Variants in ATP10B observed in about 807,000 individuals in gnomAD.
ATP10B encodes phospholipid-transporting ATPase VB.
Under a neutral mutation model 141.2 loss-of-function variants are expected in ATP10B, and 122 were observed. The observed-to-expected ratio is 0.86, with a 90% CI of 0.75 to 1.00. ATP10B has a LOEUF of 1.00. Among genes scored for constraint, ATP10B ranks in the 50% least tolerant of loss-of-function variants. The probability of loss-of-function intolerance (pLI) is 0.00; values close to 1 mark genes in which losing one functional copy is unlikely to be tolerated. For missense variants in ATP10B, 1,876 were observed against 1,825.3 expected (o/e 1.03, Z -0.51); for synonymous variants, 685 against 692.0 (o/e 0.99, Z 0.16).
chr5:160,635,636 T>C (rs934745824), intron 11 of ATP10B, among the ~76,000 whole-genome samples: 1 of 152,236 alleles, frequency 6.6e-6, no homozygotes, highest in Non-Finnish European at 1.5e-5. Flanking sequence ...CATCTTTTCA[T>C]TGATTGTATT....
the ATP10B span, among the ~76,000 whole-genome samples, chr5:160,865,094 A>G: frequency 1.3e-5 from 2 of 152,094 alleles, no homozygotes; most frequent in Non-Finnish European, 2.9e-5. Flanking sequence ...ATATGGAACC[A>G]AAAAAGAGCC....
Position 160,643,257 on chromosome 5 carries a change from G to A in ATP10B, c.868+881C>T, listed in dbSNP as rs565795032. ...TTTAAATGCTTTTCTATGTCCATCA[G>A]AAGTGGGGTTCTATGGAGACCAAAC... On this transcript the variant is annotated intron_variant, in intron 9 of 25. Transcript: ENST00000327245. Among the ~76,000 whole-genome samples the A allele has an allele frequency of 3.3e-5, 5 of 152,320 alleles. No homozygotes were observed. The South Asian group carries it at 1.0e-3, about 32-fold the overall frequency.
intron 18 of ATP10B, among the ~76,000 whole-genome samples, chr5:160,611,116 T>A (rs746315153): frequency 4.6e-5 from 7 of 152,176 alleles, no homozygotes; most frequent in Non-Finnish European, 1.0e-4. Flanking sequence ...AAAAGACTAA[T>A]CTTACAGGTT....
intron 2 of ATP10B, among the ~76,000 whole-genome samples, chr5:160,764,117 C>T (rs1769239182): frequency 6.6e-6 from 1 of 152,116 alleles, no homozygotes; most frequent in African/African-American, 2.4e-5. Flanking sequence ...CAGCTGAATT[C>T]TATCAGACAT....
At chr5:160,698,159 T>C (rs1045611718) in intron 3 of ATP10B, among the ~76,000 whole-genome samples, 26 of 152,256 alleles carry the variant, frequency 1.7e-4, no homozygotes, top group African/African-American at 4.8e-4. Flanking sequence ...AACTTTAACA[T>C]TGTAAAACTC....
At chr5:160,597,018 T>G (rs1365698963) in intron 22 of ATP10B, among the ~76,000 whole-genome samples, 27 of 152,180 alleles carry the variant, frequency 1.8e-4, no homozygotes, top group Admixed American at 1.8e-3. Context: ...ACCAATGACT[T>G]TCTTCACAGA....
At chr5:160,659,841 T>C (rs551026309) in intron 7 of ATP10B, among the ~76,000 whole-genome samples, 149 of 152,308 alleles carry the variant, frequency 9.8e-4, no homozygotes, top group Non-Finnish European at 1.9e-3. Context: ...TAAAACTACA[T>C]CTAAAGAAAG....
chr5:160,856,869 A>T (rs1754012471), upstream of ATP10B, among the ~76,000 whole-genome samples: 1 of 151,304 alleles, frequency 6.6e-6, no homozygotes, highest in Non-Finnish European at 1.5e-5. Flanking sequence ...GGTCTATTAC[A>T]TTAATTGATT....
In ATP10B at chr5:160,724,251, C is replaced by CTTT. The variant is rs35786358; in HGVS notation, c.-330-7220_-330-7218dup. Among the ~76,000 whole-genome samples, 380 of 107,074 alleles carry CTTT rather than the reference C, an allele frequency of 3.5e-3. 2 individuals carry two copies. The highest frequency in any genetic ancestry group is 0.011 in the African/African-American group (290 of 27,280). 70.2% of individuals were successfully genotyped at this position (107,074 alleles called of 152,430 possible). ...AAGTTTACCTGAGAAGCTATAATTC[C>CTTT]TTTTTTTTTTTTTTTTTTTTTTTAG... On this transcript the variant is annotated intron_variant, in intron 2 of 25. Coordinates refer to ENST00000327245, the MANE Select transcript of ATP10B (RefSeq NM_025153.3).
chr5:160,774,751 A>G (rs1218743669), intron 2 of ATP10B, among the ~76,000 whole-genome samples: 1 of 152,178 alleles, frequency 6.6e-6, no homozygotes, highest in Non-Finnish European at 1.5e-5. Flanking sequence ...CAAGTAACAG[A>G]GACACAAACT....
In ATP10B at chr5:160,788,277, C is replaced by A. The variant is rs541727072; in HGVS notation, c.-575-2474G>T. ...ACCTTAATGAATTGCTCCTCCTCCC[C>A]ACTTGGCCAACAGTTGAAACAGCAA... is the stretch of plus-strand genomic sequence containing the variant. On this transcript the variant is annotated intron_variant, in intron 1 of 25. Transcript: ENST00000327245. 3.9e-5 allele frequency among the ~76,000 whole-genome samples: 6 copies of A among 152,282 alleles called. No individual in the cohort carries two copies. The East Asian group carries it at 7.7e-4, about 20-fold the overall frequency.
At chr5:160,718,868 C>G (rs1765812002) in intron 2 of ATP10B, among the ~76,000 whole-genome samples, 1 of 152,106 alleles carries the variant, frequency 6.6e-6, no homozygotes. Flanking sequence ...CAAACCAAAC[C>G]CTAGTAACCC....
At chr5:160,751,346 C>T (rs973326572) in intron 2 of ATP10B, among the ~76,000 whole-genome samples, 4 of 152,140 alleles carry the variant, frequency 2.6e-5, no homozygotes, top group African/African-American at 9.7e-5. Context: ...CAGACTCATG[C>T]TATGAAATGT....
chr5:160,703,774 GT>G (rs1764814049), intron 3 of ATP10B, among the ~76,000 whole-genome samples: 1 of 152,110 alleles, frequency 6.6e-6, no homozygotes, highest in South Asian at 2.1e-4. Context: ...TTGTCTTGAT[GT>G]TATGGCTGTT....
chr5:160,929,280 G>GT, the ATP10B span, among the ~76,000 whole-genome samples: 20 of 152,074 alleles, frequency 1.3e-4, 1 homozygote, highest in South Asian at 3.3e-3. Context: ...CTCCTTGGGT[G>GT]TTTTTTTTCT....
At chr5:160,614,205 C>G (rs1352640603) in intron 17 of ATP10B, 2 of 151,892 alleles carry the variant, frequency 1.3e-5, no homozygotes, top group East Asian at 3.9e-4. Context: ...CTCATCTTCC[C>G]CTATAAGCGT....
intron 1 of ATP10B, among the ~76,000 whole-genome samples, chr5:160,790,785 T>C (rs1433832780): frequency 1.3e-5 from 2 of 152,152 alleles, no homozygotes; most frequent in Non-Finnish European, 2.9e-5. Flanking sequence ...TTACATCACA[T>C]GGCAAAGGGA....
the ATP10B span, among the ~76,000 whole-genome samples, chr5:160,915,894 A>G: frequency 6.6e-6 from 1 of 152,054 alleles, no homozygotes; most frequent in Non-Finnish European, 1.5e-5. Flanking sequence ...GTTCTTTCTC[A>G]GAGCTTTCAA....
intron 24 of ATP10B, among the ~76,000 whole-genome samples, chr5:160,580,712 G>A (rs921607741): frequency 5.3e-5 from 8 of 152,102 alleles, no homozygotes; most frequent in Admixed American, 1.3e-4. Flanking sequence ...TTTATTGTTT[G>A]GAATAGTTTC....
Sources: allele counts gnomAD v4.1 joint callset (sites outside exome capture counted in the v4.1 genomes callset), GRCh38; gene constraint gnomAD v4.1.1; transcripts MANE v1.5; gene names NCBI Gene and HGNC (gene_info 2026-07-23, HGNC 2026-07-21).